The following NDE1 variants were observed in gnomAD, a reference collection of about 807,000 sequenced individuals.
NDE1 encodes the protein nudE neurodevelopment protein 1, also known as nuclear distribution protein nudE homolog 1.
A neutral mutation model predicts 43.4 loss-of-function variants in NDE1; 28 were observed. The ratio of observed to expected loss-of-function variants is 0.65; its 90% CI spans 0.48 to 0.89. The LOEUF (loss-of-function observed/expected upper bound fraction) is 0.89. NDE1 is among the 40% of genes least tolerant of loss of function. The pLI, the probability that NDE1 is intolerant of heterozygous loss-of-function variation, is 0.00. For missense variants in NDE1, 441 were observed against 434.1 expected (o/e 1.02, Z -0.14); for synonymous variants, 184 against 172.0 (o/e 1.07, Z -0.55).
chr16:15,670,668 AAAAAG>A (rs1173710346), intron 3 of NDE1, among the ~76,000 whole-genome samples: 14 of 150,598 alleles, frequency 9.3e-5, no homozygotes, highest in Admixed American at 4.6e-4. Flanking sequence ...AAAAAAAAAA[AAAAAG>A]AAAGAAAAAG....
intron 8 of NDE1, chr16:15,721,557 C>T: frequency 6.2e-7 from 1 of 1,614,200 alleles, no homozygotes; most frequent in Non-Finnish European, 8.5e-7. Context: ...CCTTGGTTTC[C>T]TTCTCCCTGG....
intron 8 of NDE1, chr16:15,718,554 G>C: frequency 4.2e-6 from 6 of 1,413,884 alleles, no homozygotes; most frequent in Non-Finnish European, 5.7e-6. Flanking sequence ...GTGAAACTGA[G>C]GCTTGGAGAA....
intron 1 of NDE1, among the ~76,000 whole-genome samples, chr16:15,657,903 C>A (rs1228558072): frequency 6.6e-6 from 1 of 152,158 alleles, no homozygotes; most frequent in Non-Finnish European, 1.5e-5. Flanking sequence ...CGCCAGGCAC[C>A]ACTCTACCCT....
At position 15,725,410 on chromosome 16, in the gene NDE1, G is replaced by C. The variant is rs932254713; in HGVS notation, c.*1159G>C. ...GAGAAGGGAGACCAGGATGGTACTTGAACGTCCCAGGGATGCTGTCCCATC... is the reference window on the plus strand; with the variant it reads ...GAGAAGGGAGACCAGGATGGTACTTCAACGTCCCAGGGATGCTGTCCCATC... On this transcript the variant is annotated 3_prime_UTR_variant, in exon 9 of 9. Coordinates refer to ENST00000396354, the MANE Select transcript of NDE1 (RefSeq NM_017668.3). 1 of 508,370 alleles carries C rather than the reference G, an allele frequency of 2.0e-6. No homozygotes were observed. The highest frequency in any genetic ancestry group is 3.4e-6 in the Non-Finnish European group (1 of 292,598). The allele number at this position is 508,370 out of a possible 1,614,324, so 31.5% of individuals were successfully genotyped here.
At chr16:15,705,056 T>G (rs1052572516) in intron 8 of NDE1, among the ~76,000 whole-genome samples, 3 of 152,218 alleles carry the variant, frequency 2.0e-5, no homozygotes, top group Non-Finnish European at 4.4e-5. Flanking sequence ...CTTGGCTCAC[T>G]GCAACCTCTG....
intron 3 of NDE1, among the ~76,000 whole-genome samples, 188 bp downstream of exon 3, chr16:15,667,627 GTTTTGTTT>G (rs2037376743): frequency 8.8e-6 from 1 of 113,124 alleles, no homozygotes; most frequent in African/African-American, 3.6e-5. Context: ...GGTGCTTTTT[GTTTTGTTT>G]TTTTTTTTTT....
intron 4 of NDE1, among the ~76,000 whole-genome samples, chr16:15,684,773 C>A (rs948495440): frequency 6.6e-6 from 1 of 152,180 alleles, no homozygotes; most frequent in African/African-American, 2.4e-5. Context: ...AACCTGCCAT[C>A]TTTTTACCAA....
At position 15,703,447 on chromosome 16, in the gene NDE1, C is replaced by T. The variant is rs116721094; in HGVS notation, c.947+6587C>T. 2,773 of 239,950 alleles carry T rather than the reference C, an allele frequency of 0.012. 64 individuals are homozygous for T. The highest frequency in any genetic ancestry group is 0.052 in the African/African-American group (2,345 of 45,456). 14.9% of individuals were successfully genotyped at this position (239,950 alleles called of 1,614,324 possible). ...AACAGAATTGCCAGGGACCGGTTAC[C>T]GTGGATATGTTTTTCTAAAAACTCA... On this transcript the variant is annotated intron_variant, in intron 8 of 8. Coordinates refer to ENST00000396354, the MANE Select transcript of NDE1 (RefSeq NM_017668.3).
chr16:15,721,688 T>C, intron 8 of NDE1: 2 of 1,584,920 alleles, frequency 1.3e-6, no homozygotes, highest in Admixed American at 3.3e-5. Context: ...TCAGCGTCAC[T>C]GAATTGTAAA....
intron 7 of NDE1, 147 bp downstream of exon 7, chr16:15,694,403 T>C (rs771833957): frequency 3.2e-5 from 49 of 1,517,116 alleles, no homozygotes; most frequent in Non-Finnish European, 4.3e-5. Context: ...TGGAGTGTAG[T>C]GGTATGATCA....
Position 15,725,517 on chromosome 16 carries a change from T to C in NDE1, c.*1266T>C, listed in dbSNP as rs1429096465. 1 of 420,448 alleles carries C rather than the reference T, an allele frequency of 2.4e-6. No homozygotes were observed. The allele number at this position is 420,448 out of a possible 1,614,324, so 26.0% of individuals were successfully genotyped here. On this transcript the variant is annotated 3_prime_UTR_variant, in exon 9 of 9. Transcript: ENST00000396354. ...CCTAAAGGTAAAAACGTCCTCTCTG[T>C]ATTCTCTGGCTTTTACTCCCTAGTG...
chr16:15,646,603 G>C (rs2036334230), upstream of NDE1, among the ~76,000 whole-genome samples: 1 of 151,436 alleles, frequency 6.6e-6, no homozygotes, highest in African/African-American at 2.4e-5. Flanking sequence ...AAAAATCCAA[G>C]GGGGGTTAAT....
At chr16:15,694,672 T>G in intron 7 of NDE1, 1 of 985,298 alleles carries the variant, frequency 1.0e-6, no homozygotes, top group South Asian at 4.7e-5. Flanking sequence ...GTGGTGAGTT[T>G]TAGGTGTGGC....
intron 2 of NDE1, among the ~76,000 whole-genome samples, chr16:15,666,021 G>T (rs909626178): frequency 6.6e-6 from 1 of 152,030 alleles, no homozygotes; most frequent in African/African-American, 2.4e-5. Flanking sequence ...TTCCCTAAGT[G>T]CTGGGATTAC....
At chr16:15,682,926 A>G (rs2038256423) in intron 4 of NDE1, among the ~76,000 whole-genome samples, 1 of 152,058 alleles carries the variant, frequency 6.6e-6, no homozygotes, top group Non-Finnish European at 1.5e-5. Flanking sequence ...GGGTCTCACC[A>G]TGGTCCTGAC....
intron 8 of NDE1, among the ~76,000 whole-genome samples, chr16:15,705,134 G>T (rs1347777934): frequency 6.6e-6 from 1 of 152,138 alleles, no homozygotes; most frequent in African/African-American, 2.4e-5. Context: ...CGTGCACACT[G>T]CCACGCCTGG....
chr16:15,715,560 T>C (rs554794114), intron 8 of NDE1, among the ~76,000 whole-genome samples: 3 of 152,322 alleles, frequency 2.0e-5, no homozygotes, highest in Admixed American at 6.5e-5. Context: ...GATAAATTCA[T>C]AGAGACAGAA....
chr16:15,669,435 C>T (rs1212078770), intron 3 of NDE1, among the ~76,000 whole-genome samples: 1 of 150,278 alleles, frequency 6.7e-6, no homozygotes, highest in African/African-American at 2.5e-5. Flanking sequence ...AATCCCGGCT[C>T]ACTGCAACCT....
At chr16:15,699,909 T>C in intron 8 of NDE1, 1 of 1,260,308 alleles carries the variant, frequency 7.9e-7, no homozygotes, top group Non-Finnish European at 1.0e-6. Context: ...TGTTTTAAGT[T>C]AGTTTGAGAA....
Sources: gnomAD v4.1 joint callset for allele counts (sites outside exome capture counted in the v4.1 genomes callset) on GRCh38, gnomAD v4.1.1 for gene constraint, MANE v1.5 for transcripts, NCBI Gene and HGNC (gene_info 2026-07-23, HGNC 2026-07-21) for gene names.